MAPK10: variants seen among roughly 807,000 people sequenced by gnomAD.
MAPK10 encodes JNK3 alpha protein kinase.
In MAPK10, 25 loss-of-function variants were observed where a neutral mutation model predicts 59.3. That is an observed-to-expected ratio of 0.42 (90% CI 0.31 to 0.59). MAPK10 has a LOEUF of 0.59. Ranked by LOEUF, MAPK10 falls within the 20% of genes least tolerant of loss-of-function variation. The probability of loss-of-function intolerance (pLI) is 0.15; values close to 1 mark genes in which losing one functional copy is unlikely to be tolerated. For missense variants in MAPK10, 351 were observed against 568.9 expected, an observed-to-expected ratio of 0.62 and a Z score of 3.90; for synonymous variants, 190 against 200.5, an observed-to-expected ratio of 0.95 and a Z score of 0.44.
intron 3 of MAPK10, among the ~76,000 whole-genome samples, chr4:86,159,681 C>T (rs2068918615): frequency 6.6e-6 from 1 of 151,916 alleles, no homozygotes; most frequent in South Asian, 2.1e-4. Flanking sequence ...TTGTTTTTTT[C>T]ATCATTAAAA....
chr4:86,336,149 C>G (rs1195750221), intron 2 of MAPK10, among the ~76,000 whole-genome samples: 1 of 152,120 alleles, frequency 6.6e-6, no homozygotes, highest in African/African-American at 2.4e-5. Context: ...CTTGGGAAAA[C>G]AACTAGAACA....
chr4:86,454,952 C>A (rs1403563657), upstream of MAPK10, among the ~76,000 whole-genome samples: 1 of 152,144 alleles, frequency 6.6e-6, no homozygotes, highest in Non-Finnish European at 1.5e-5. Context: ...ACCCTACAGG[C>A]TAGAAGGGAT....
chr4:86,196,035 G>A (rs1332153296), intron 2 of MAPK10, among the ~76,000 whole-genome samples: 1 of 152,174 alleles, frequency 6.6e-6, no homozygotes, highest in Non-Finnish European at 1.5e-5. Context: ...ACATAAGTGT[G>A]CATATGTCTT....
At chr4:86,419,630 A>G (rs145837862) in intron 1 of MAPK10, among the ~76,000 whole-genome samples, 4 of 152,298 alleles carry the variant, frequency 2.6e-5, no homozygotes, top group African/African-American at 9.6e-5. Flanking sequence ...AAATTCACCA[A>G]TATCGATGAA....
intron 1 of MAPK10, among the ~76,000 whole-genome samples, chr4:86,397,518 T>C (rs1743100977): frequency 6.6e-6 from 1 of 152,102 alleles, no homozygotes. Context: ...CCAAACATCT[T>C]TGAAGAAGAG....
intron 1 of MAPK10, among the ~76,000 whole-genome samples, chr4:86,576,685 G>A (rs1297349908): frequency 1.3e-5 from 2 of 151,854 alleles, no homozygotes; most frequent in African/African-American, 4.8e-5. Context: ...TGAGGCAGGA[G>A]AATGGCATGA....
At chr4:86,320,223 A>T (rs370615291) in intron 2 of MAPK10, among the ~76,000 whole-genome samples, 3 of 152,220 alleles carry the variant, frequency 2.0e-5, no homozygotes, top group Admixed American at 6.5e-5. Flanking sequence ...TCCAGTTAAC[A>T]TGGTCTTTAA....
At chr4:86,490,690 C>T (rs1401105088) in intron 1 of MAPK10, among the ~76,000 whole-genome samples, 9 of 152,202 alleles carry the variant, frequency 5.9e-5, no homozygotes, top group Admixed American at 1.3e-4. Flanking sequence ...CACGCAGAGA[C>T]AGTTCTTTAC....
At chr4:86,207,526 A>G (rs371307968) in intron 2 of MAPK10, among the ~76,000 whole-genome samples, 10,922 of 152,008 alleles carry the variant, frequency 0.072, 390 homozygotes, top group Middle Eastern at 0.13. Flanking sequence ...ACTTGGCGAT[A>G]CGGGCTCTTT....
chr4:86,389,933 G>GC (rs11439209), intron 1 of MAPK10, among the ~76,000 whole-genome samples: 26,780 of 151,982 alleles, frequency 0.18, 2,459 homozygotes, highest in East Asian at 0.25. Flanking sequence ...CTCTCTCTCT[G>GC]CCCCCATCTA....
intron 2 of MAPK10, among the ~76,000 whole-genome samples, chr4:86,287,666 T>C (rs907085294): frequency 6.6e-6 from 1 of 152,182 alleles, no homozygotes; most frequent in African/African-American, 2.4e-5. Context: ...CAATAATCCA[T>C]AGATTACACA....
intron 2 of MAPK10, among the ~76,000 whole-genome samples, chr4:86,200,013 GA>G (rs2082261038): frequency 6.6e-6 from 1 of 151,424 alleles, no homozygotes. Context: ...TTCTCTATAG[GA>G]AAAAAATACT....
intron 1 of MAPK10, among the ~76,000 whole-genome samples, chr4:86,439,878 A>G (rs1001453102): frequency 1.3e-5 from 2 of 152,164 alleles, no homozygotes; most frequent in Non-Finnish European, 2.9e-5. Context: ...ATATATTTTA[A>G]TCCAAGAAAA....
intron 2 of MAPK10, among the ~76,000 whole-genome samples, chr4:86,218,586 A>AAC (rs1219085829): frequency 6.7e-6 from 1 of 149,360 alleles, no homozygotes; most frequent in Non-Finnish European, 1.5e-5. Context: ...AAAAAAAAAA[A>AAC]ACACTTTGGG....
At chr4:86,585,621 C>T (rs1306495788) in intron 1 of MAPK10, among the ~76,000 whole-genome samples, 2 of 152,128 alleles carry the variant, frequency 1.3e-5, no homozygotes, top group Non-Finnish European at 2.9e-5. Flanking sequence ...TCTACTTTAA[C>T]TTTTTAGAAT....
chr4:86,405,934 C>T (rs989456075), intron 1 of MAPK10, among the ~76,000 whole-genome samples: 10 of 152,100 alleles, frequency 6.6e-5, no homozygotes, highest in East Asian at 1.9e-4. Flanking sequence ...AATTTGCAGG[C>T]GTCTTTTTAA....
chr4:86,203,179 G>A (rs2083033071), intron 2 of MAPK10, among the ~76,000 whole-genome samples: 1 of 151,902 alleles, frequency 6.6e-6, no homozygotes, highest in Non-Finnish European at 1.5e-5. Context: ...AGCCCCATAT[G>A]AGCATTTCTT....
chr4:86,107,362 T>C lies in MAPK10; in HGVS notation c.237-10A>G, dbSNP rs775995908. Reference sequence around the variant, plus strand: ...AGCATCATACGCGGCACTGTAGAGATCCAAGAGCAACTCAGAATTAAGAAC... The same window carrying C: ...AGCATCATACGCGGCACTGTAGAGACCCAAGAGCAACTCAGAATTAAGAAC... On this transcript the variant is annotated splice_polypyrimidine_tract_variant and intron_variant, in intron 4 of 13. Coordinates refer to ENST00000641462, the MANE Select transcript of MAPK10 (RefSeq NM_138982.4). The C allele has an allele frequency of 2.1e-5, 34 of 1,601,692 alleles. No homozygotes were observed. The highest frequency in any genetic ancestry group is 1.7e-4 in the Middle Eastern group (1 of 6,010).
chr4:86,578,786 T>C (rs561071187), intron 1 of MAPK10, among the ~76,000 whole-genome samples: 51 of 151,816 alleles, frequency 3.4e-4, no homozygotes, highest in Middle Eastern at 3.4e-3. Flanking sequence ...AAGAGAACTT[T>C]TGTCTTGATT....
Sources: allele counts gnomAD v4.1 joint callset (sites outside exome capture counted in the v4.1 genomes callset), GRCh38; gene constraint gnomAD v4.1.1; transcripts MANE v1.5; gene names NCBI Gene and HGNC (gene_info 2026-07-23, HGNC 2026-07-21).